The following LRTM3 variants were observed in gnomAD, a reference collection of about 807,000 sequenced individuals.
LRTM3 encodes the protein leucine rich repeat transmembrane protein 3, also known as leucine-rich repeat transmembrane protein 3.
the LRTM3 span, chr13:102,740,155 C>T: frequency 2.3e-5 from 35 of 1,547,750 alleles, no homozygotes; most frequent in African/African-American, 4.3e-4. Flanking sequence ...CAAGTCTTAA[C>T]TTGGGTGAGC....
chr13:102,746,441 T>G, the LRTM3 span: 275 of 1,550,960 alleles, frequency 1.8e-4, no homozygotes, highest in Middle Eastern at 5.0e-4. Flanking sequence ...CAATCTGCTA[T>G]GCATTGGAGA....
the LRTM3 span, chr13:102,749,171 A>G: frequency 6.4e-7 from 1 of 1,550,652 alleles, no homozygotes; most frequent in Non-Finnish European, 8.7e-7. Flanking sequence ...AGTGTGACAT[A>G]CTGTGATTTG....
At chr13:102,750,380 G>T in the LRTM3 span, 5 of 1,479,886 alleles carry the variant, frequency 3.4e-6, no homozygotes, top group African/African-American at 2.8e-5. Flanking sequence ...TTCTAAAAAG[G>T]TGCCAACTCT....
the LRTM3 span, chr13:102,740,716 A>G: frequency 6.5e-7 from 1 of 1,548,296 alleles, no homozygotes; most frequent in South Asian, 1.2e-5. Flanking sequence ...AGTGAGATGC[A>G]GGCTTTGGAA....
chr13:102,744,175 T>C, the LRTM3 span: 1 of 1,550,638 alleles, frequency 6.4e-7, no homozygotes, highest in South Asian at 1.2e-5. Flanking sequence ...CTGTAGAATA[T>C]CTTATGATAT....
chr13:102,737,366 T>C, the LRTM3 span: 2 of 1,550,698 alleles, frequency 1.3e-6, no homozygotes, highest in Non-Finnish European at 1.7e-6. Flanking sequence ...TGTGTTCAAT[T>C]CATAACAAGT....
At chr13:102,744,872 T>C in the LRTM3 span, 4 of 1,550,864 alleles carry the variant, frequency 2.6e-6, 1 homozygote, top group East Asian at 9.8e-5. Flanking sequence ...TAGATCTTTA[T>C]TAAACTCTGC....
chr13:102,752,882 CTTA>C, the LRTM3 span, among the ~76,000 whole-genome samples: 1 of 152,154 alleles, frequency 6.6e-6, no homozygotes, highest in Non-Finnish European at 1.5e-5. Flanking sequence ...TGTTAGTTAA[CTTA>C]TTTATAACTG....
chr13:102,748,215 T>C, the LRTM3 span: 1 of 1,551,102 alleles, frequency 6.4e-7, no homozygotes, highest in East Asian at 2.4e-5. Flanking sequence ...ATATTTGTTA[T>C]GTTACTTCCA....
the LRTM3 span, chr13:102,729,733 G>A: frequency 6.4e-7 from 1 of 1,551,762 alleles, no homozygotes; most frequent in African/African-American, 1.4e-5. Context: ...GTTTGCTTTG[G>A]AAACAATCCA....
chr13:102,734,569 G>A, the LRTM3 span: 35 of 1,551,020 alleles, frequency 2.3e-5, 1 homozygote, highest in East Asian at 3.7e-4. Context: ...CTCTCATATC[G>A]ATTATTTTTT....
chr13:102,755,446 T>C, the LRTM3 span, among the ~76,000 whole-genome samples: 14 of 152,238 alleles, frequency 9.2e-5, no homozygotes, highest in East Asian at 2.3e-3. Flanking sequence ...GTGGTACATA[T>C]ACATCATGTA....
chr13:102,749,456 T>C, the LRTM3 span: 1 of 1,551,356 alleles, frequency 6.4e-7, no homozygotes, highest in Non-Finnish European at 8.7e-7. Context: ...AATAGTGTCT[T>C]GCCCCTTAAT....
the LRTM3 span, chr13:102,742,126 G>A: frequency 6.5e-7 from 1 of 1,550,328 alleles, no homozygotes; most frequent in Non-Finnish European, 8.7e-7. Flanking sequence ...TAGACACACA[G>A]TATCCAGAGT....
At chr13:102,750,400 GAAAACA>G in the LRTM3 span, 1 of 1,391,106 alleles carries the variant, frequency 7.2e-7, no homozygotes, top group Admixed American at 2.4e-5. Context: ...TGAAATATAA[GAAAACA>G]GTGTACAAAT....
the LRTM3 span, chr13:102,731,517 CTGTTGATATTGTATCTGGACCCTCTGGA>C: frequency 6.4e-7 from 1 of 1,551,268 alleles, no homozygotes; most frequent in East Asian, 2.4e-5. Context: ...GGATATATTG[CTGTTGATATTGTATCTGGACCCTCTGGA>C]AAAGGTGGTG....
the LRTM3 span, among the ~76,000 whole-genome samples, chr13:102,752,170 A>C: frequency 6.6e-6 from 1 of 152,040 alleles, no homozygotes; most frequent in Non-Finnish European, 1.5e-5. Context: ...CCCCTGCTTC[A>C]CCTTTTGATG....
the LRTM3 span, chr13:102,741,819 G>T: frequency 1.3e-6 from 2 of 1,550,216 alleles, no homozygotes; most frequent in African/African-American, 2.7e-5. Context: ...AGGAATTCAA[G>T]TTCTTCATCT....
chr13:102,738,759 G>A, the LRTM3 span: 2 of 1,550,512 alleles, frequency 1.3e-6, no homozygotes, highest in South Asian at 1.2e-5. Flanking sequence ...TTAGAGTAAG[G>A]TAGAAAAGAG....
Sources: gnomAD v4.1 joint callset for allele counts (sites outside exome capture counted in the v4.1 genomes callset) on GRCh38, gnomAD v4.1.1 for gene constraint, MANE v1.5 for transcripts, NCBI Gene and HGNC (gene_info 2026-07-23, HGNC 2026-07-21) for gene names.